Variants in SENP7 observed in about 807,000 individuals in gnomAD.
SENP7 encodes the protein SUMO specific peptidase 7.
A neutral mutation model predicts 141.2 loss-of-function variants in SENP7; 64 were observed. The ratio of observed to expected loss-of-function variants is 0.45; its 90% CI spans 0.37 to 0.56. SENP7 has a LOEUF of 0.56. SENP7 is among the 20% of genes least tolerant of loss of function. SENP7 has a pLI of 0.00. For synonymous variants in SENP7, 382 were observed against 426.4 expected, an observed-to-expected ratio of 0.90 and a Z score of 1.28; for missense variants, 1,025 against 1,212.2, an observed-to-expected ratio of 0.85 and a Z score of 2.29.
chr3:101,361,199 T>C (rs2059889809), intron 11 of SENP7, among the ~76,000 whole-genome samples: 1 of 144,784 alleles, frequency 6.9e-6, no homozygotes, highest in South Asian at 2.2e-4. Context: ...GGTGAAACAG[T>C]GAGACTCTGT....
intron 4 of SENP7, among the ~76,000 whole-genome samples, chr3:101,446,127 T>A (rs921830083): frequency 1.3e-5 from 2 of 152,166 alleles, no homozygotes; most frequent in South Asian, 2.1e-4. Flanking sequence ...TATAAAAGTG[T>A]AGTGCCTCTC....
chr3:101,462,598 T>A (rs558980227), intron 3 of SENP7, among the ~76,000 whole-genome samples: 109 of 151,222 alleles, frequency 7.2e-4, no homozygotes, highest in African/African-American at 2.3e-3. Context: ...CCAGGTGCAG[T>A]GGCTCACATC....
chr3:101,361,218 C>G (rs373259297), intron 11 of SENP7, among the ~76,000 whole-genome samples: 110 of 149,352 alleles, frequency 7.4e-4, no homozygotes, highest in Non-Finnish European at 1.2e-3. Flanking sequence ...GTCCGCCCCC[C>G]CAAAAAAAAA....
At chr3:101,466,126 C>T (rs968100164) in intron 3 of SENP7, among the ~76,000 whole-genome samples, 2 of 151,938 alleles carry the variant, frequency 1.3e-5, no homozygotes, top group Non-Finnish European at 2.9e-5. Flanking sequence ...GCCTACATAA[C>T]ATATGAGATG....
intron 6 of SENP7, among the ~76,000 whole-genome samples, chr3:101,378,946 A>C (rs2060418254): frequency 2.0e-5 from 3 of 152,172 alleles, no homozygotes; most frequent in Admixed American, 2.0e-4. Context: ...TAAATAAAGT[A>C]CAAAGTTGCA....
At chr3:101,376,083 A>G (rs1343676066) in intron 6 of SENP7, among the ~76,000 whole-genome samples, 6 of 152,212 alleles carry the variant, frequency 3.9e-5, no homozygotes. Flanking sequence ...GCTAAGAAAA[A>G]ATAAGCCACT....
At chr3:101,406,198 A>T (rs1235687017) in intron 5 of SENP7, among the ~76,000 whole-genome samples, 1 of 152,206 alleles carries the variant, frequency 6.6e-6, no homozygotes, top group Non-Finnish European at 1.5e-5. Context: ...TGTCCATCAA[A>T]GATAGATTGG....
chr3:101,369,996 C>A (rs2060133647), intron 7 of SENP7, among the ~76,000 whole-genome samples: 1 of 152,030 alleles, frequency 6.6e-6, no homozygotes, highest in African/African-American at 2.4e-5. Flanking sequence ...AAATGGTACA[C>A]CTAAGATTTC....
At chr3:101,417,032 C>A (rs983173317) in intron 5 of SENP7, among the ~76,000 whole-genome samples, 1 of 151,996 alleles carries the variant, frequency 6.6e-6, no homozygotes, top group Admixed American at 6.6e-5. Flanking sequence ...TCAAAAAACA[C>A]AAAACAGAAA....
At chr3:101,344,121 A>T (rs2059394136) in intron 13 of SENP7, among the ~76,000 whole-genome samples, 167 bp from the exon 14 acceptor site, 1 of 152,212 alleles carries the variant, frequency 6.6e-6, no homozygotes, top group African/African-American at 2.4e-5. Flanking sequence ...GCCATTAGTA[A>T]TCCAGAACCA....
intron 4 of SENP7, among the ~76,000 whole-genome samples, chr3:101,453,486 A>C (rs1432578074): frequency 6.6e-6 from 1 of 152,254 alleles, no homozygotes; most frequent in Non-Finnish European, 1.5e-5. Flanking sequence ...ACAATGGTAG[A>C]CTGGATGAAG....
At chr3:101,450,571 A>G (rs9857767) in intron 4 of SENP7, among the ~76,000 whole-genome samples, 28,328 of 152,042 alleles carry the variant, frequency 0.19, 3,163 homozygotes, top group Admixed American at 0.36. Context: ...ACTCAAAACC[A>G]CTCAACTACA....
chr3:101,385,080 T>A (rs2060614793), intron 6 of SENP7, among the ~76,000 whole-genome samples: 1 of 152,226 alleles, frequency 6.6e-6, no homozygotes, highest in Non-Finnish European at 1.5e-5. Flanking sequence ...TAACACCTAA[T>A]CTTGTTAGAG....
intron 5 of SENP7, among the ~76,000 whole-genome samples, chr3:101,409,167 C>T (rs2061386522): frequency 1.3e-5 from 2 of 152,086 alleles, no homozygotes; most frequent in Non-Finnish European, 2.9e-5. Flanking sequence ...ATCAAAAACT[C>T]AACCCCTTTT....
chr3:101,424,925 T>C (rs566895421), intron 4 of SENP7, among the ~76,000 whole-genome samples: 2 of 152,306 alleles, frequency 1.3e-5, no homozygotes, highest in Admixed American at 6.5e-5. Context: ...AGTTTCCCCA[T>C]ACTGTTCTCA....
chr3:101,409,430 A>G (rs1190199001), intron 5 of SENP7, among the ~76,000 whole-genome samples: 1 of 152,204 alleles, frequency 6.6e-6, no homozygotes, highest in Non-Finnish European at 1.5e-5. Flanking sequence ...ACAGAATTAG[A>G]AAAAACAATT....
intron 6 of SENP7, among the ~76,000 whole-genome samples, chr3:101,398,115 C>T (rs989627553): frequency 2.2e-4 from 34 of 152,168 alleles, no homozygotes; most frequent in Non-Finnish European, 2.9e-4. Flanking sequence ...CATTCAAAAA[C>T]TATTTACTGA....
chr3:101,420,357 G>T (rs1295418441), intron 4 of SENP7, among the ~76,000 whole-genome samples: 1 of 140,402 alleles, frequency 7.1e-6, no homozygotes, highest in Non-Finnish European at 1.6e-5. Flanking sequence ...GACAGAGCGA[G>T]ACTCCGTCTC....
rs201317440 is a variant in SENP7, at chr3:101,386,042, T to TA, written c.677+12818dup. On this transcript the variant is annotated intron_variant, in intron 6 of 23. Transcript: ENST00000394095. ...TCAGTGAACTACAAGAATACATGGATAAAAAAAAAATTAATGAGGGGCTTC... is the reference window on the plus strand; with the variant it reads ...TCAGTGAACTACAAGAATACATGGATAAAAAAAAAAATTAATGAGGGGCTTC... Among the ~76,000 whole-genome samples the TA allele has an allele frequency of 1.4e-3, 205 of 149,520 alleles. 1 individual carries two copies. The highest frequency in any genetic ancestry group is 4.2e-3 in the African/African-American group (173 of 40,790).
Sources: allele counts gnomAD v4.1 joint callset (sites outside exome capture counted in the v4.1 genomes callset), GRCh38; gene constraint gnomAD v4.1.1; transcripts MANE v1.5; gene names NCBI Gene and HGNC (gene_info 2026-07-23, HGNC 2026-07-21).